Variants in HEATR5B observed in about 807,000 individuals in gnomAD.
The protein encoded by HEATR5B is HEAT repeat containing 5B, also known as HEAT repeat-containing protein 5B.
Under a neutral mutation model 224.1 loss-of-function variants are expected in HEATR5B, and 156 were observed. The observed-to-expected ratio is 0.70, with a 90% CI of 0.61 to 0.80. The LOEUF is 0.80. HEATR5B is among the 30% of genes least tolerant of loss of function. HEATR5B has a pLI of 0.00. For synonymous variants in HEATR5B, 1,027 were observed against 893.0 expected (o/e 1.15, Z -2.68); for missense variants, 2,323 against 2,535.5 (o/e 0.92, Z 1.80).
At chr2:36,993,099 G>C (rs1666445713) in intron 33 of HEATR5B, among the ~76,000 whole-genome samples, 2 of 152,084 alleles carry the variant, frequency 1.3e-5, no homozygotes, top group South Asian at 4.1e-4. Flanking sequence ...AGGAATCAAG[G>C]CTTTTGGAGA....
chr2:37,056,888 A>G (rs1670947539), intron 15 of HEATR5B, among the ~76,000 whole-genome samples: 1 of 152,236 alleles, frequency 6.6e-6, no homozygotes, highest in African/African-American at 2.4e-5. Context: ...CAAGATCTTA[A>G]TCCCACAATT....
At chr2:36,986,188 G>T (rs1041219644) in intron 35 of HEATR5B, among the ~76,000 whole-genome samples, 3 of 152,108 alleles carry the variant, frequency 2.0e-5, no homozygotes, top group Non-Finnish European at 2.9e-5. Context: ...TACAAATAAA[G>T]TTATTTTGAT....
rs781405171 is a variant in HEATR5B at position 36,988,871 on chromosome 2, G to C, written c.5698-12C>G. 3 of 1,582,344 alleles carry C rather than the reference G, an allele frequency of 1.9e-6. No homozygotes were observed. The South Asian group carries it at 3.3e-5, about 17-fold the overall frequency. ...CATTTGGCTTGAACCTATATAAGAA[G>C]AACATATTATCAATTAACATGTGTA... is the stretch of plus-strand genomic sequence containing the variant. On this transcript the variant is annotated splice_polypyrimidine_tract_variant and intron_variant, in intron 34 of 35. Transcript: ENST00000233099.
At chr2:37,018,340 G>C (rs1668253936) in intron 26 of HEATR5B, among the ~76,000 whole-genome samples, 1 of 152,200 alleles carries the variant, frequency 6.6e-6, no homozygotes. Context: ...GCTGTGCTCT[G>C]AAACGTCATC....
intron 33 of HEATR5B, among the ~76,000 whole-genome samples, chr2:36,993,791 T>A (rs2148345655): frequency 6.6e-6 from 1 of 151,872 alleles, no homozygotes; most frequent in East Asian, 1.9e-4. Context: ...TATGCAGTAT[T>A]CCTGCCAAGA....
rs1423130814 is a variant in HEATR5B, at chr2:37,068,926, T to A, written c.932A>T (p.Tyr311Phe). 1.2e-6 allele frequency: 2 copies of A among 1,610,454 alleles called. No homozygotes were observed. The highest frequency in any genetic ancestry group is 1.7e-6 in the Non-Finnish European group (2 of 1,177,048). The part of the protein sequence containing the change: ...REVRVGVTQA[Y>F]VVFVTTLGGQ... ...ACCCAATGTTGTCACAAAAACAACA[T>A]ACGCCTGTAAAAAGAGGAAGGTACG... Residue 311 changes from tyrosine to phenylalanine, a missense_variant, in exon 8 of 36, where the codon TAT becomes TTT. Around this residue, in one of 12 missense-constraint regions of HEATR5B, gnomAD observed 502 missense variants for 517.8 expected, o/e 0.97. Transcript: ENST00000233099.
rs534788871 is a variant in HEATR5B at position 37,072,213 on chromosome 2, G to C, written c.666C>G (p.Leu222=). ...WTAELENIAT[L]CFKALENSNY... ...TTGAGTTTTCCAAAGCCTTAAAGCA[G>C]AGAGTGGCTATATTTTCTAGTTCAG... Residue 222 remains leucine (L), a synonymous_variant, in exon 6 of 36, where the codon CTC becomes CTG. Coordinates refer to ENST00000233099, the MANE Select transcript of HEATR5B (RefSeq NM_019024.3). 2 of 1,613,668 alleles carry C rather than the reference G, an allele frequency of 1.2e-6. No individual in the cohort carries two copies. Among genetic ancestry groups the C allele is most frequent in the Non-Finnish European group, 1.7e-6 (2 of 1,179,628 alleles).
chr2:36,998,936 C>T (rs1415712504), intron 33 of HEATR5B, among the ~76,000 whole-genome samples: 1 of 151,820 alleles, frequency 6.6e-6, no homozygotes, highest in Non-Finnish European at 1.5e-5. Flanking sequence ...AATATCAGGC[C>T]GAGTGTGGTG....
chr2:37,044,039 A>G (rs1670036902), intron 18 of HEATR5B, among the ~76,000 whole-genome samples: 1 of 152,248 alleles, frequency 6.6e-6, no homozygotes, highest in Admixed American at 6.5e-5. Context: ...TATCCAAAAT[A>G]TTAAAATATC....
intron 22 of HEATR5B, among the ~76,000 whole-genome samples, chr2:37,032,261 A>C (rs1383057371): frequency 6.6e-6 from 1 of 152,018 alleles, no homozygotes; most frequent in African/African-American, 2.4e-5. Flanking sequence ...TTACTTATTT[A>C]TTTACTTACT....
At chr2:36,997,803 T>G (rs1360392418) in intron 33 of HEATR5B, among the ~76,000 whole-genome samples, 1 of 151,762 alleles carries the variant, frequency 6.6e-6, no homozygotes, top group Non-Finnish European at 1.5e-5. Flanking sequence ...CCTGACCTCA[T>G]GATCCACCCG....
At chr2:37,074,432 TG>T (rs1293234514) in intron 5 of HEATR5B, among the ~76,000 whole-genome samples, 1 of 148,474 alleles carries the variant, frequency 6.7e-6, no homozygotes, top group Non-Finnish European at 1.5e-5. Flanking sequence ...TAACTCAAAA[TG>T]GATCACATAT....
At chr2:36,985,621 CTTTTTTTTT>C (rs558499229) in intron 35 of HEATR5B, among the ~76,000 whole-genome samples, 7 of 92,298 alleles carry the variant, frequency 7.6e-5, no homozygotes, top group African/African-American at 1.9e-4. Context: ...CCACTCCTGG[CTTTTTTTTT>C]TTTTTTTTTT....
At chr2:37,014,452 G>A (rs563231456) in intron 26 of HEATR5B, among the ~76,000 whole-genome samples, 53 of 151,818 alleles carry the variant, frequency 3.5e-4, no homozygotes, top group African/African-American at 1.2e-3. Context: ...GTGAGCCACC[G>A]TGCCCAGCCA....
intron 10 of HEATR5B, among the ~76,000 whole-genome samples, chr2:37,063,468 T>G (rs1206369559): frequency 2.0e-5 from 3 of 152,208 alleles, no homozygotes; most frequent in African/African-American, 7.2e-5. Flanking sequence ...CTCTGAGTAC[T>G]GGGTAGTCCC....
At chr2:37,033,921 A>G (rs192287183) in intron 21 of HEATR5B, among the ~76,000 whole-genome samples, 375 of 152,296 alleles carry the variant, frequency 2.5e-3, no homozygotes, top group Middle Eastern at 6.8e-3. Context: ...CATGAAGAAA[A>G]TATTAAATTA....
chr2:37,075,521 A>T lies in HEATR5B; in HGVS notation c.561T>A (p.Thr187=), dbSNP rs779943589. ...CACATCGAACAGCCATTGACCTATC[A>T]GTCAAGAGAGACCTGGCATTCTTGT... ...DIYKNARSLL[T]DRSMAVRCAV... is the part of the protein sequence containing the mutation. The change falls in exon 5 of 36, where the codon ACT becomes ACA. Residue 187 remains threonine, a synonymous_variant. Transcript: ENST00000233099. 2.5e-6 allele frequency: 4 copies of T among 1,613,834 alleles called. No homozygotes were observed. In the African/African-American group the frequency reaches 4.0e-5, roughly 16 times the overall value.
At chr2:37,018,535 G>A (rs1668266392) in intron 26 of HEATR5B, among the ~76,000 whole-genome samples, 2 of 152,184 alleles carry the variant, frequency 1.3e-5, no homozygotes, top group East Asian at 1.9e-4. Flanking sequence ...TGCCATTAAG[G>A]CAGCAGGCTT....
chr2:36,991,675 T>A (rs914483307), intron 33 of HEATR5B, among the ~76,000 whole-genome samples: 11 of 152,138 alleles, frequency 7.2e-5, no homozygotes, highest in Non-Finnish European at 1.5e-4. Context: ...TCTGAACATA[T>A]AAAATACGAG....
Sources: allele counts gnomAD v4.1 joint callset (sites outside exome capture counted in the v4.1 genomes callset), GRCh38; gene constraint gnomAD v4.1.1; regional missense constraint gnomAD v4.1.1; transcripts MANE v1.5; gene names NCBI Gene and HGNC (gene_info 2026-07-23, HGNC 2026-07-21).